Variants in MYCBP2 observed in about 807,000 individuals in gnomAD.
MYCBP2 encodes E3 ubiquitin-protein ligase MYCBP2.
A neutral mutation model predicts 525.3 loss-of-function variants in MYCBP2; 120 were observed. That is an observed-to-expected ratio of 0.23 (90% CI 0.20 to 0.27). The LOEUF (loss-of-function observed/expected upper bound fraction) is 0.27. Among genes scored for constraint, MYCBP2 ranks in the 10% least tolerant of loss-of-function variants. The pLI, the probability that MYCBP2 is intolerant of heterozygous loss-of-function variation, is 1.00. For missense variants in MYCBP2, 4,149 were observed against 5,657.1 expected (o/e 0.73, Z 8.55); for synonymous variants, 1,894 against 1,955.8 (o/e 0.97, Z 0.83).
intron 31 of MYCBP2, 50 bp from the exon 32 acceptor site, chr13:77,185,427 C>A (rs750831706): frequency 6.5e-7 from 1 of 1,537,864 alleles, no homozygotes; most frequent in South Asian, 1.2e-5. Flanking sequence ...ATTAAATATG[C>A]ATGAAAACAA....
Position 77,097,522 on chromosome 13 carries a change from T to C in MYCBP2, c.9632A>G (p.Lys3211Arg), listed in dbSNP as rs1013906485. Residue 3211 changes from lysine (K) to arginine (R), a missense_variant, in exon 56 of 83, where the codon AAA becomes AGA. Physicochemically the swap from Lys to Arg is conservative, Grantham distance 26. Coordinates refer to ENST00000544440, the MANE Select transcript of MYCBP2 (RefSeq NM_015057.5). Reference protein sequence around the residue: ...ENKKSKKEKKKKEKAEVRPRG... With the variant: ...ENKKSKKEKKRKEKAEVRPRG... ...GGGCCTAACTTCTGCCTTTTCTTTT[T>C]TCTTTTTTTCCTTTTTGGACTTCTT... is the stretch of plus-strand genomic sequence containing the variant. The C allele has an allele frequency of 1.9e-6, 3 of 1,612,474 alleles. No individual in the cohort carries two copies. The Admixed American group carries it at 5.0e-5, about 27-fold the overall frequency.
intron 80 of MYCBP2, among the ~76,000 whole-genome samples, chr13:77,054,846 C>T (rs1444789741): frequency 6.6e-6 from 1 of 151,984 alleles, no homozygotes; most frequent in Non-Finnish European, 1.5e-5. Flanking sequence ...AGAAATCTGC[C>T]CACCTTGGCC....
chr13:77,179,900 A>G (rs1274431287), intron 34 of MYCBP2, among the ~76,000 whole-genome samples: 1 of 152,166 alleles, frequency 6.6e-6, no homozygotes, highest in Non-Finnish European at 1.5e-5. Context: ...TCTATGAGGA[A>G]AATGTATACT....
intron 29 of MYCBP2, 37 bp downstream of exon 29, chr13:77,190,215 A>G (rs771636865): frequency 7.4e-7 from 1 of 1,357,660 alleles, no homozygotes; most frequent in Non-Finnish European, 1.0e-6. Context: ...TAGCAAAATA[A>G]TAAACCATAC....
intron 47 of MYCBP2, 27 bp from the exon 48 acceptor site, chr13:77,146,244 ATCGTAAAATCATTTAAAAACATTC>A: frequency 1.3e-6 from 2 of 1,483,176 alleles, no homozygotes; most frequent in Non-Finnish European, 1.8e-6. Flanking sequence ...AGTCTGAACA[ATCGTAAAATCATTTAAAAACATTC>A]TCAATTAACA....
intron 32 of MYCBP2, among the ~76,000 whole-genome samples, chr13:77,183,541 CTTTTTTT>C (rs60927409): frequency 1.5e-4 from 10 of 66,070 alleles, no homozygotes; most frequent in African/African-American, 6.4e-4. Flanking sequence ...GTCCCTATTT[CTTTTTTT>C]TTTTTTTTTT....
intron 55 of MYCBP2, among the ~76,000 whole-genome samples, chr13:77,119,353 A>C (rs567796528): frequency 6.6e-6 from 1 of 152,330 alleles, no homozygotes; most frequent in Non-Finnish European, 1.5e-5. Context: ...GTATCTTTCT[A>C]GTCATATTTC....
chr13:77,142,207 T>C (rs543944140), intron 49 of MYCBP2, among the ~76,000 whole-genome samples: 1 of 152,340 alleles, frequency 6.6e-6, no homozygotes, highest in South Asian at 2.1e-4. Context: ...GTCTTGTGTG[T>C]CACTACTTAT....
At chr13:77,114,650 C>T (rs1594668724) in intron 55 of MYCBP2, among the ~76,000 whole-genome samples, 1 of 152,076 alleles carries the variant, frequency 6.6e-6, no homozygotes, top group Admixed American at 6.5e-5. Flanking sequence ...GCAAGGTAAC[C>T]TAGAGCTATG....
chr13:77,169,180 G>A (rs189831378), intron 39 of MYCBP2, among the ~76,000 whole-genome samples: 3 of 151,960 alleles, frequency 2.0e-5, no homozygotes, highest in East Asian at 1.9e-4. Flanking sequence ...AGGGCGAGGC[G>A]GGCGGATCAC....
intron 26 of MYCBP2, among the ~76,000 whole-genome samples, chr13:77,203,022 A>G (rs1467597939): frequency 6.0e-5 from 9 of 151,182 alleles, no homozygotes; most frequent in African/African-American, 1.5e-4. Context: ...CCTATTCAAC[A>G]TAGTGTTGGA....
intron 17 of MYCBP2, among the ~76,000 whole-genome samples, chr13:77,237,977 C>G (rs1211777447): frequency 6.6e-6 from 1 of 152,138 alleles, no homozygotes; most frequent in African/African-American, 2.4e-5. Flanking sequence ...GACGCGGTGG[C>G]TCACGCCTGT....
rs2059421127 is a variant in MYCBP2 at position 77,174,450 on chromosome 13, T to C, written c.5512A>G (p.Ser1838Gly). ...KYAVRLRNYG[S>G]RTANGDGGMT... ...CCTCCATCTCCATTGGCTGTACGGC[T>C]TCCATAGTTCCTCAAGCGCACAGCA... Residue 1838 changes from serine to glycine, a missense_variant, in exon 37 of 83, where the codon AGC (serine) becomes GGC (glycine). This residue lies in a region of MYCBP2 where 109 missense variants were observed against 118.9 expected (regional missense o/e 0.92). Coordinates refer to ENST00000544440, the MANE Select transcript of MYCBP2 (RefSeq NM_015057.5). The C allele has an allele frequency of 6.2e-7, 1 of 1,614,000 alleles. No homozygotes were observed. Among genetic ancestry groups the C allele is most frequent in the South Asian group, 1.1e-5 (1 of 91,074 alleles).
intron 37 of MYCBP2, among the ~76,000 whole-genome samples, chr13:77,172,205 A>G (rs1164218655): frequency 2.1e-5 from 3 of 145,506 alleles, no homozygotes; most frequent in Non-Finnish European, 4.6e-5. Context: ...GCTGACCTGA[A>G]TTTTTTTTTT....
At position 77,158,006 on chromosome 13, in the gene MYCBP2, C is replaced by T. The variant is rs1193005322; in HGVS notation, c.6701G>A (p.Ser2234Asn). The change falls in exon 45 of 83, where the codon AGC becomes AAC. Residue 2234 changes from serine (S) to asparagine (N), a missense_variant. Transcript: ENST00000544440. ...LEGNLPLQIQ[S>N]NEQSFLDDFI... ...ATCATCCAGAAAAGACTGTTCATTG[C>T]TTTGGATTTGGAGTGGTAAATTTCC... The T allele has an allele frequency of 6.2e-7, 1 of 1,613,808 alleles. No homozygotes were observed. Among genetic ancestry groups the T allele is most frequent in the Non-Finnish European group, 8.5e-7 (1 of 1,179,890 alleles).
chr13:77,321,721 A>G (rs1223205227), intron 1 of MYCBP2, among the ~76,000 whole-genome samples: 1 of 152,238 alleles, frequency 6.6e-6, no homozygotes, highest in Non-Finnish European at 1.5e-5. Context: ...CCTTTGTCAT[A>G]GTAGGTTATA....
At chr13:77,133,882 G>T (rs1179408132) in intron 52 of MYCBP2, among the ~76,000 whole-genome samples, 4 of 152,072 alleles carry the variant, frequency 2.6e-5, no homozygotes, top group African/African-American at 9.7e-5. Flanking sequence ...ATGTGAATAT[G>T]GTATGTCTAC....
chr13:77,146,104 T>C (rs756403643), intron 48 of MYCBP2, 58 bp downstream of exon 48: 101 of 1,115,210 alleles, frequency 9.1e-5, no homozygotes, highest in Admixed American at 6.9e-4. Flanking sequence ...AGGATGATTT[T>C]AGTTGCAAGC....
In MYCBP2 at chr13:77,110,620, T is replaced by A. The variant is rs764951788; in HGVS notation, c.8140+10753A>T. Among the ~76,000 whole-genome samples the A allele has an allele frequency of 3.9e-4, 59 of 152,168 alleles. 1 individual carries two copies. Among genetic ancestry groups the A allele is most frequent in the Non-Finnish European group, 5.7e-4 (39 of 68,028 alleles). On this transcript the variant is annotated intron_variant, in intron 55 of 82. Transcript: ENST00000544440. The stretch of plus-strand genomic sequence containing the variant: ...CCTCCCTTTTTGATAAAAACCTGCT[T>A]AATAAAAACCTGCTGGTTTTGTGGC...
Sources: gnomAD v4.1 joint callset for allele counts (sites outside exome capture counted in the v4.1 genomes callset) on GRCh38, gnomAD v4.1.1 for gene constraint, gnomAD v4.1.1 regional missense constraint, MANE v1.5 for transcripts, NCBI Gene and HGNC (gene_info 2026-07-23, HGNC 2026-07-21) for gene names.